DLGAP1: variants seen among roughly 807,000 people sequenced by gnomAD.
The protein encoded by DLGAP1 is disks large-associated protein 1.
DLGAP1 carries 11 observed loss-of-function variants against 90.8 expected under a neutral mutation model. That is an observed-to-expected ratio of 0.12 (90% CI 0.08 to 0.20). The LOEUF (loss-of-function observed/expected upper bound fraction) is 0.20, where lower values mean the gene tolerates loss of function less well. Ranked by LOEUF, DLGAP1 falls within the 10% of genes least tolerant of loss-of-function variation. DLGAP1 has a pLI of 1.00. For missense variants in DLGAP1, 1,050 were observed against 1,333.8 expected, an observed-to-expected ratio of 0.79 and a Z score of 3.31; for synonymous variants, 558 against 540.7, an observed-to-expected ratio of 1.03 and a Z score of -0.44.
Position 3,534,403 on chromosome 18 carries a change from A to G in DLGAP1, c.2270T>C (p.Phe757Ser). Reference protein sequence around the residue: ...HYHACAADDDFDTDFDPSILP... With the variant: ...HYHACAADDDSDTDFDPSILP... ...AATAGAGGGGTCAAAATCCGTGTCAAAGTCATCATCGGCGGCACAGGCATG... is the reference window on the plus strand; with the variant it reads ...AATAGAGGGGTCAAAATCCGTGTCAGAGTCATCATCGGCGGCACAGGCATG... Residue 757 changes from phenylalanine to serine, a missense_variant, in exon 10 of 13, where the codon TTT (phenylalanine) becomes TCT (serine). Phe to Ser is a radical substitution (Grantham distance 155). Coordinates refer to ENST00000315677, the MANE Select transcript of DLGAP1 (RefSeq NM_004746.4). 6.2e-7 allele frequency: 1 copy of G among 1,614,168 alleles called. No homozygotes were observed. The highest frequency in any genetic ancestry group is 8.5e-7 in the Non-Finnish European group (1 of 1,180,026).
intron 5 of DLGAP1, among the ~76,000 whole-genome samples, chr18:3,758,047 G>C (rs567652141): frequency 6.6e-6 from 1 of 151,310 alleles, no homozygotes; most frequent in Admixed American, 6.6e-5. Context: ...CTGGGGAGGC[G>C]GAGGTTGCAG....
chr18:3,882,861 A>G (rs2071211918), intron 3 of DLGAP1, among the ~76,000 whole-genome samples: 1 of 152,260 alleles, frequency 6.6e-6, no homozygotes, highest in South Asian at 2.1e-4. Flanking sequence ...ATAAAGAGTC[A>G]TCTTGGAAAG....
chr18:4,389,647 T>C (rs1598339440), intron 1 of DLGAP1, among the ~76,000 whole-genome samples: 1 of 152,326 alleles, frequency 6.6e-6, no homozygotes, highest in Admixed American at 6.5e-5. Context: ...TCATGGATTA[T>C]CCAAAATTAC....
At chr18:4,374,687 G>T (rs969694919) in intron 1 of DLGAP1, among the ~76,000 whole-genome samples, 2 of 152,104 alleles carry the variant, frequency 1.3e-5, no homozygotes, top group African/African-American at 4.8e-5. Flanking sequence ...AAAGGTAAAT[G>T]TTAAGAAATA....
intron 2 of DLGAP1, among the ~76,000 whole-genome samples, chr18:4,080,758 G>A (rs73384707): frequency 0.035 from 5,390 of 152,204 alleles, 355 homozygotes; most frequent in African/African-American, 0.12. Flanking sequence ...TACTACTATA[G>A]GCTGTTTTTG....
At chr18:3,848,127 C>CAAAAAA (rs3862177) in intron 4 of DLGAP1, among the ~76,000 whole-genome samples, 922 of 32,076 alleles carry the variant, frequency 0.029, 173 homozygotes, top group Non-Finnish European at 0.034. Flanking sequence ...GGCCCCGTCT[C>CAAAAAA]AAAAAAAAAA....
At chr18:3,687,634 A>G (rs1039784975) in intron 7 of DLGAP1, among the ~76,000 whole-genome samples, 2 of 152,202 alleles carry the variant, frequency 1.3e-5, no homozygotes, top group African/African-American at 4.8e-5. Flanking sequence ...AGTCATCACA[A>G]TGGAAAAGTA....
intron 3 of DLGAP1, among the ~76,000 whole-genome samples, chr18:3,912,039 T>A (rs763093588): frequency 6.6e-6 from 1 of 152,252 alleles, no homozygotes; most frequent in African/African-American, 2.4e-5. Context: ...CAGGCTGATA[T>A]GTGCTGAAGT....
At chr18:3,937,601 C>T (rs955317287) in intron 3 of DLGAP1, among the ~76,000 whole-genome samples, 2 of 152,228 alleles carry the variant, frequency 1.3e-5, no homozygotes, top group Admixed American at 1.3e-4. Context: ...AGCTACCCAA[C>T]ATGTTCACCT....
chr18:4,038,360 T>C (rs1275238261), intron 2 of DLGAP1, among the ~76,000 whole-genome samples: 2 of 152,318 alleles, frequency 1.3e-5, no homozygotes, highest in African/African-American at 2.4e-5. Flanking sequence ...GAAGGTAATA[T>C]GTATGGGCTT....
chr18:3,869,016 T>C (rs866649968), intron 4 of DLGAP1, among the ~76,000 whole-genome samples: 7 of 152,176 alleles, frequency 4.6e-5, no homozygotes, highest in Admixed American at 3.3e-4. Context: ...TGATGGTGGA[T>C]AGAGTTCCCT....
intron 5 of DLGAP1, among the ~76,000 whole-genome samples, chr18:3,780,934 C>CA (rs1166086042): frequency 3.3e-5 from 5 of 152,056 alleles, no homozygotes; most frequent in African/African-American, 1.2e-4. Context: ...TTCAGTCTCC[C>CA]AAGTAGCTAG....
chr18:3,762,445 G>C (rs570957436), intron 5 of DLGAP1, among the ~76,000 whole-genome samples: 6 of 152,352 alleles, frequency 3.9e-5, no homozygotes, highest in African/African-American at 7.2e-5. Flanking sequence ...TCAATTTTGA[G>C]AGCAGATGTA....
chr18:4,305,990 C>G (rs1016257586), intron 1 of DLGAP1, among the ~76,000 whole-genome samples: 4 of 146,438 alleles, frequency 2.7e-5, no homozygotes, highest in Non-Finnish European at 4.5e-5. Context: ...ATTAATGAAA[C>G]AACTCCCAAA....
intron 7 of DLGAP1, among the ~76,000 whole-genome samples, chr18:3,619,848 G>A (rs1317422065): frequency 4.1e-5 from 6 of 146,690 alleles, no homozygotes; most frequent in African/African-American, 5.1e-5. Context: ...CTATGCTGCC[G>A]AGGCTTAAGT....
chr18:4,189,241 T>G (rs1598582058), intron 1 of DLGAP1, among the ~76,000 whole-genome samples: 1 of 152,268 alleles, frequency 6.6e-6, no homozygotes, highest in Middle Eastern at 3.4e-3. Flanking sequence ...TAATTTCCAA[T>G]TGTTGTTGAT....
intron 4 of DLGAP1, among the ~76,000 whole-genome samples, chr18:3,872,364 C>A (rs1425017293): frequency 6.6e-6 from 1 of 151,582 alleles, no homozygotes; most frequent in Non-Finnish European, 1.5e-5. Flanking sequence ...TATATCATTA[C>A]CTTTTAGTTT....
chr18:3,536,162 G>C (rs1457998715), intron 9 of DLGAP1, among the ~76,000 whole-genome samples: 2 of 150,512 alleles, frequency 1.3e-5, no homozygotes, highest in Non-Finnish European at 2.9e-5. Context: ...ACTGAAGTAA[G>C]TTTCTTTCTT....
intron 1 of DLGAP1, among the ~76,000 whole-genome samples, chr18:4,450,555 GAGATA>G (rs2083797597): frequency 1.3e-5 from 2 of 152,154 alleles, no homozygotes. Context: ...CAAGGCTAGG[GAGATA>G]AGCAAGTCAC....
Sources: gnomAD v4.1 joint callset for allele counts (sites outside exome capture counted in the v4.1 genomes callset) on GRCh38, gnomAD v4.1.1 for gene constraint, MANE v1.5 for transcripts, NCBI Gene and HGNC (gene_info 2026-07-23, HGNC 2026-07-21) for gene names.